Variants in UGDH observed in about 807,000 individuals in gnomAD.
UGDH encodes UDP-Glc dehydrogenase.
Under a neutral mutation model 50.6 loss-of-function variants are expected in UGDH, and 38 were observed. The ratio of observed to expected loss-of-function variants is 0.75; its 90% CI spans 0.58 to 0.98. UGDH has a LOEUF of 0.98. UGDH is among the 50% of genes least tolerant of loss of function. The pLI is 0.00. For missense variants in UGDH, 465 were observed against 606.2 expected (o/e 0.77, Z 2.45); for synonymous variants, 168 against 199.9 (o/e 0.84, Z 1.35).
chr4:39,502,524 G>A (rs1223339846), intron 11 of UGDH, among the ~76,000 whole-genome samples: 3 of 152,078 alleles, frequency 2.0e-5, no homozygotes, highest in Non-Finnish European at 4.4e-5. Flanking sequence ...GCTTGCTTGG[G>A]CACTACATTG....
rs1745923896 is a variant in UGDH at position 39,503,905 on chromosome 4, G to A, written c.1344C>T (p.Leu448=). The change falls in exon 11 of 12, where the codon CTC becomes CTT. Residue 448 remains leucine (L), a synonymous_variant. Transcript: ENST00000316423. ...AGCCAATGGTTTGTAGTTCATTGTG[G>A]AGCCCATCCAGGACACGCCGTCCAT... is the stretch of plus-strand genomic sequence containing the variant. ...IFDGRRVLDG[L]HNELQTIGFQ... 5 of 1,614,138 alleles carry A rather than the reference G, an allele frequency of 3.1e-6. No homozygotes were observed. The South Asian group carries it at 3.3e-5, about 11-fold the overall frequency.
intron 1 of UGDH, 100 bp downstream of exon 1, chr4:39,527,183 G>C: frequency 1.6e-6 from 2 of 1,230,274 alleles, no homozygotes; most frequent in Non-Finnish European, 2.1e-6. Flanking sequence ...GCGAGCGACC[G>C]GGAGCAGCGC....
intron 1 of UGDH, chr4:39,526,706 C>T (rs2109954474): frequency 5.4e-6 from 1 of 186,426 alleles, no homozygotes; most frequent in East Asian, 1.4e-4. Context: ...CAGGAAAGGC[C>T]TTCCCCGACA....
chr4:39,514,431 C>A (rs1341322932), intron 2 of UGDH, among the ~76,000 whole-genome samples: 1 of 152,042 alleles, frequency 6.6e-6, no homozygotes, highest in African/African-American at 2.4e-5. Flanking sequence ...GGTGCAATCT[C>A]AGCTCACTGC....
In UGDH at chr4:39,512,701, A is replaced by T. The variant is rs572319295; in HGVS notation, c.264+1382T>A. ...CCTAGCTACTCCAAAATATTTTCTT[A>T]TTTTTTTATGCCTCCACTCTAACTT... On this transcript the variant is annotated intron_variant, in intron 3 of 11. Transcript: ENST00000316423. Among the ~76,000 whole-genome samples the T allele has an allele frequency of 2.1e-4, 32 of 151,946 alleles. No individual in the cohort carries two copies. In the South Asian group the frequency reaches 2.3e-3, roughly 11 times the overall value.
At chr4:39,501,281 T>A (rs2109914242) in intron 11 of UGDH, among the ~76,000 whole-genome samples, 1 of 143,410 alleles carries the variant, frequency 7.0e-6, no homozygotes, top group South Asian at 2.3e-4. Context: ...CATAAATTTT[T>A]TTTTTTTTTT....
chr4:39,509,013 C>T (rs771835662), intron 6 of UGDH, among the ~76,000 whole-genome samples: 4 of 149,128 alleles, frequency 2.7e-5, no homozygotes, highest in African/African-American at 9.9e-5. Context: ...CTCCCTCTGT[C>T]GCCCAGGCTG....
At position 39,505,335 on chromosome 4, in the gene UGDH, A is replaced by G. The variant is rs1479782965; in HGVS notation, c.1073T>C (p.Met358Thr). ...SSSIYISKYLMDEGAHLHIYD... is the reference protein window; with the variant it reads ...SSSIYISKYLTDEGAHLHIYD... ...TATATGTAGATGTGCACCTTCATCCATCAAATATTTGCTAATATATATACT... is the reference window on the plus strand; with the variant it reads ...TATATGTAGATGTGCACCTTCATCCGTCAAATATTTGCTAATATATATACT... The change falls in exon 9 of 12, where the codon ATG (methionine) becomes ACG (threonine). Residue 358 changes from methionine to threonine, a missense_variant. Met to Thr is a moderately conservative substitution (Grantham distance 81). Coordinates refer to ENST00000316423, the MANE Select transcript of UGDH (RefSeq NM_003359.4). 25 of 1,585,988 alleles carry G rather than the reference A, an allele frequency of 1.6e-5. No individual in the cohort carries two copies. The highest frequency in any genetic ancestry group is 2.1e-5 in the Non-Finnish European group (25 of 1,166,272).
Position 39,510,630 on chromosome 4 carries a change from T to C in UGDH, c.465+31A>G, listed in dbSNP as rs1241697213. ...TAACACATCAGTATTTACATAAGAA[T>C]AACCAGATTCTAATGCTTCATTTTT... On this transcript the variant is annotated intron_variant, in intron 4 of 11. Coordinates refer to ENST00000316423, the MANE Select transcript of UGDH (RefSeq NM_003359.4). The C allele has an allele frequency of 3.1e-6, 5 of 1,614,078 alleles. No homozygotes were observed. In the African/African-American group the frequency reaches 6.7e-5, roughly 22 times the overall value.
In UGDH at chr4:39,505,730, A is replaced by G. The variant is rs1333198828; in HGVS notation, c.925T>C (p.Tyr309His). The G allele has an allele frequency of 6.2e-7, 1 of 1,607,870 alleles. No homozygotes were observed. The change falls in exon 8 of 12, where the codon TAC (tyrosine) becomes CAC (histidine). Residue 309 changes from tyrosine to histidine, a missense_variant. Transcript: ENST00000316423. The stretch of plus-strand genomic sequence containing the variant: ...CGGGAAGCAAACCTCCTCCTCTGGT[A>G]GTCATTCATGTCTATGACCTGAAAT... ...YWQQVIDMND[Y>H]QRRRFASRII...
chr4:39,510,035 T>G (rs1046801496), intron 5 of UGDH, 128 bp from the exon 6 acceptor site: 2 of 1,103,826 alleles, frequency 1.8e-6, no homozygotes, highest in Non-Finnish European at 2.5e-6. Flanking sequence ...GAGCTCAATT[T>G]GAGGAGACAA....
At chr4:39,517,271 C>T (rs185735282) in intron 2 of UGDH, among the ~76,000 whole-genome samples, 8 of 150,438 alleles carry the variant, frequency 5.3e-5, no homozygotes, top group African/African-American at 2.0e-4. Flanking sequence ...GGCGCGATCT[C>T]GGCTCACTGC....
chr4:39,520,920 A>G (rs1165233482), intron 2 of UGDH, among the ~76,000 whole-genome samples: 1 of 151,758 alleles, frequency 6.6e-6, no homozygotes, highest in Non-Finnish European at 1.5e-5. Flanking sequence ...CTAAAATACA[A>G]AAATTAGCTG....
At chr4:39,525,011 C>T (rs1445934199) in intron 1 of UGDH, among the ~76,000 whole-genome samples, 1 of 152,192 alleles carries the variant, frequency 6.6e-6, no homozygotes, top group Non-Finnish European at 1.5e-5. Flanking sequence ...TGCTATTTCC[C>T]ATGAAATACG....
intron 2 of UGDH, among the ~76,000 whole-genome samples, chr4:39,519,876 A>C (rs11942253): frequency 0.033 from 5,031 of 152,224 alleles, 109 homozygotes; most frequent in South Asian, 0.067. Flanking sequence ...TATAATAAGT[A>C]AATCTGTGTT....
chr4:39,509,967 T>C, intron 5 of UGDH, 60 bp from the exon 6 acceptor site: 7 of 1,519,298 alleles, frequency 4.6e-6, no homozygotes, highest in Non-Finnish European at 6.1e-6. Context: ...TTTATACATC[T>C]AGTTTATATT....
At position 39,509,990 on chromosome 4, in the gene UGDH, C is replaced by T. The variant is rs78749125; in HGVS notation, c.664-83G>A. On this transcript the variant is annotated intron_variant, in intron 5 of 11. Transcript: ENST00000316423. The stretch of plus-strand genomic sequence containing the variant: ...TCTAGTTTATATTTCATTGCGTTGA[C>T]GCAAATTACTGAGGGAGATATATAA... 5.8e-4 allele frequency: 823 copies of T among 1,427,204 alleles called. 6 individuals carry two copies. The African/African-American group carries it at 9.7e-3, about 17-fold the overall frequency. 88.4% of individuals were successfully genotyped at this position (1,427,204 alleles called of 1,614,324 possible).
intron 7 of UGDH, among the ~76,000 whole-genome samples, chr4:39,506,029 A>G (rs1401207783): frequency 1.3e-5 from 2 of 151,896 alleles, no homozygotes; most frequent in Non-Finnish European, 2.9e-5. Context: ...TCAGGAGTTC[A>G]AGACCAGCCT....
At chr4:39,508,504 G>C in intron 7 of UGDH, 62 bp downstream of exon 7, 1 of 1,509,154 alleles carries the variant, frequency 6.6e-7, no homozygotes, top group Admixed American at 1.8e-5. Flanking sequence ...AAAGTGCTGC[G>C]ATTACAGGTG....
Sources: allele counts gnomAD v4.1 joint callset (sites outside exome capture counted in the v4.1 genomes callset), GRCh38; gene constraint gnomAD v4.1.1; transcripts MANE v1.5; gene names NCBI Gene and HGNC (gene_info 2026-07-23, HGNC 2026-07-21).